Variants in CTNNA2 observed in about 807,000 individuals in gnomAD.
CTNNA2 encodes catenin alpha 2, also known as catenin alpha-2.
Under a neutral mutation model 101.0 loss-of-function variants are expected in CTNNA2, and 42 were observed. That is an observed-to-expected ratio of 0.42 (90% CI 0.32 to 0.54). The LOEUF (loss-of-function observed/expected upper bound fraction) is 0.54. CTNNA2 is among the 20% of genes least tolerant of loss of function. CTNNA2 has a pLI of 0.14. For missense variants in CTNNA2, 871 were observed against 1,223.1 expected, an observed-to-expected ratio of 0.71 and a Z score of 4.29; for synonymous variants, 450 against 456.4, an observed-to-expected ratio of 0.99 and a Z score of 0.18.
intron 5 of CTNNA2, among the ~76,000 whole-genome samples, chr2:79,870,650 A>G (rs1307872220): frequency 1.3e-5 from 2 of 152,176 alleles, no homozygotes; most frequent in African/African-American, 4.8e-5. Context: ...TAACTGACTC[A>G]CAGTTCCACA....
chr2:80,013,393 C>T (rs1488128897), intron 7 of CTNNA2, among the ~76,000 whole-genome samples: 7 of 152,172 alleles, frequency 4.6e-5, no homozygotes, highest in Admixed American at 4.6e-4. Flanking sequence ...AGGAGTTATA[C>T]TGCAAAACTG....
intron 1 of CTNNA2, chr2:79,636,957 A>G (rs1467184979): frequency 6.6e-6 from 1 of 152,114 alleles, no homozygotes; most frequent in African/African-American, 2.4e-5. Flanking sequence ...ATAAGCTGGG[A>G]AATCACATGA....
chr2:80,285,531 G>A (rs543182076), intron 7 of CTNNA2, among the ~76,000 whole-genome samples: 4 of 152,302 alleles, frequency 2.6e-5, no homozygotes, highest in Admixed American at 1.3e-4. Flanking sequence ...CCATGGAGAG[G>A]TGAATGGTCA....
rs371800520 is a variant in CTNNA2 at position 80,318,387 on chromosome 2, A to G, written c.1057-74824A>G. Among the ~76,000 whole-genome samples the G allele has an allele frequency of 5.6e-4, 85 of 152,290 alleles. 2 individuals carry two copies. Among genetic ancestry groups the G allele is most frequent in the African/African-American group, 1.9e-3 (81 of 41,552 alleles). ...TTCTAGTTTGAAATTTCTCAAGAGC[A>G]AAGTCCAGGTTGTATTCCTGGTGTA... On this transcript the variant is annotated intron_variant, in intron 7 of 18. Coordinates refer to ENST00000402739, the MANE Select transcript of CTNNA2 (RefSeq NM_001282597.3).
chr2:80,645,988 C>T (rs74845486), intron 18 of CTNNA2, among the ~76,000 whole-genome samples: 2,914 of 152,048 alleles, frequency 0.019, 65 homozygotes, highest in African/African-American at 0.048. Context: ...AAAAACACAG[C>T]GCAACATTAA....
intron 2 of CTNNA2, among the ~76,000 whole-genome samples, chr2:79,280,670 A>G (rs1237398494): frequency 1.1e-5 from 1 of 87,624 alleles, no homozygotes; most frequent in Admixed American, 9.9e-5. Flanking sequence ...AGAAAGAGAG[A>G]GAGAGAGAGA....
chr2:79,951,257 A>G (rs1688859649), intron 7 of CTNNA2, among the ~76,000 whole-genome samples: 1 of 152,224 alleles, frequency 6.6e-6, no homozygotes, highest in Admixed American at 6.5e-5. Flanking sequence ...AAAAGTACAG[A>G]TATCAAAACA....
At chr2:80,453,733 A>G (rs1354326988) in intron 9 of CTNNA2, among the ~76,000 whole-genome samples, 3 of 152,174 alleles carry the variant, frequency 2.0e-5, no homozygotes, top group Non-Finnish European at 4.4e-5. Flanking sequence ...AGACAGGGTT[A>G]TATAACACAA....
At chr2:80,049,324 A>T (rs998294026) in intron 7 of CTNNA2, among the ~76,000 whole-genome samples, 1 of 152,158 alleles carries the variant, frequency 6.6e-6, no homozygotes, top group African/African-American at 2.4e-5. Flanking sequence ...TTTGACATCA[A>T]CCGTCATCTG....
At chr2:79,443,815 C>T (rs1678801621) in intron 4 of CTNNA2, among the ~76,000 whole-genome samples, 1 of 151,950 alleles carries the variant, frequency 6.6e-6, no homozygotes, top group Non-Finnish European at 1.5e-5. Context: ...GTAATCCATT[C>T]CCTTAAGTAC....
intron 2 of CTNNA2, among the ~76,000 whole-genome samples, chr2:79,682,270 G>A (rs1035204925): frequency 2.0e-5 from 3 of 151,898 alleles, no homozygotes; most frequent in South Asian, 2.1e-4. Context: ...ACTTAGCCAG[G>A]TGTGGTGGCG....
At chr2:80,221,087 T>C (rs1278551757) in intron 7 of CTNNA2, among the ~76,000 whole-genome samples, 1 of 152,182 alleles carries the variant, frequency 6.6e-6, no homozygotes, top group Non-Finnish European at 1.5e-5. Flanking sequence ...TTTACCATGT[T>C]GGCCAGGCTG....
intron 3 of CTNNA2, among the ~76,000 whole-genome samples, chr2:79,329,127 T>C (rs1014134637): frequency 6.6e-6 from 1 of 152,120 alleles, no homozygotes; most frequent in Non-Finnish European, 1.5e-5. Context: ...AAGGTCACAA[T>C]AACAGGTTTT....
At chr2:80,545,834 A>T in intron 10 of CTNNA2, 73 bp from the exon 11 acceptor site, 1 of 1,516,844 alleles carries the variant, frequency 6.6e-7, no homozygotes, top group South Asian at 1.3e-5. Flanking sequence ...TGGTTTTAAC[A>T]TGGTCTTTGA....
chr2:80,521,668 A>G (rs1249735985), intron 9 of CTNNA2, among the ~76,000 whole-genome samples: 1 of 152,158 alleles, frequency 6.6e-6, no homozygotes, highest in African/African-American at 2.4e-5. Context: ...CAATGGGGGC[A>G]GCCTCTAGGA....
intron 2 of CTNNA2, among the ~76,000 whole-genome samples, chr2:79,711,075 G>T (rs1270289771): frequency 6.6e-6 from 1 of 152,154 alleles, no homozygotes; most frequent in Non-Finnish European, 1.5e-5. Flanking sequence ...TAAAGTAGTG[G>T]TATACAAAAG....
At chr2:79,684,817 G>T (rs1683825899) in intron 2 of CTNNA2, among the ~76,000 whole-genome samples, 1 of 152,150 alleles carries the variant, frequency 6.6e-6, no homozygotes, top group Non-Finnish European at 1.5e-5. Context: ...AGGAGAGATT[G>T]AAGATTTGTC....
chr2:79,294,197 G>A (rs1258465886), intron 2 of CTNNA2, among the ~76,000 whole-genome samples: 1 of 148,780 alleles, frequency 6.7e-6, no homozygotes. Context: ...AAGAGAGAGA[G>A]AGAGAGAAGA....
At chr2:79,535,752 C>G (rs72921180) in intron 1 of CTNNA2, among the ~76,000 whole-genome samples, 3,385 of 151,974 alleles carry the variant, frequency 0.022, 135 homozygotes, top group African/African-American at 0.078. Flanking sequence ...GGAGGAAAAT[C>G]AAGGTGCTTA....
Sources: gnomAD v4.1 joint callset for allele counts (sites outside exome capture counted in the v4.1 genomes callset) on GRCh38, gnomAD v4.1.1 for gene constraint, MANE v1.5 for transcripts, NCBI Gene and HGNC (gene_info 2026-07-23, HGNC 2026-07-21) for gene names.